COG2: variants seen among roughly 807,000 people sequenced by gnomAD.
COG2 encodes conserved oligomeric Golgi complex subunit 2.
COG2 carries 52 observed loss-of-function variants against 90.6 expected under a neutral mutation model. The observed-to-expected ratio is 0.57, with a 90% confidence interval of 0.46 to 0.72. COG2 has a LOEUF of 0.72. COG2 is among the 30% of genes least tolerant of loss of function. COG2 has a pLI of 0.00. For missense variants in COG2, 829 were observed against 891.2 expected (o/e 0.93, Z 0.89); for synonymous variants, 337 against 320.4 (o/e 1.05, Z -0.55).
intron 1 of COG2, among the ~76,000 whole-genome samples, chr1:230,656,072 A>AT (rs1293796076): frequency 4.0e-5 from 6 of 151,616 alleles, no homozygotes; most frequent in East Asian, 1.9e-4. Context: ...TGGTTCATTG[A>AT]TTTTTTTGAA....
At chr1:230,659,725 G>A (rs1662141898) in intron 2 of COG2, 100 bp downstream of exon 2, 1 of 1,202,020 alleles carries the variant, frequency 8.3e-7, no homozygotes, top group Non-Finnish European at 1.1e-6. Flanking sequence ...CCTTTTAGTT[G>A]ATGTCCTCAC....
At position 230,693,513 on chromosome 1, in the gene COG2, G is replaced by A. The variant is rs1309161202; in HGVS notation, c.*120G>A. On this transcript the variant is annotated 3_prime_UTR_variant, in exon 18 of 18. Transcript: ENST00000366669. Reference sequence around the variant, plus strand: ...CGTCTGTAGCAAAGAAGTGCTTCCAGCATCACTCCAGCAACACGCCCATGC... The same window carrying A: ...CGTCTGTAGCAAAGAAGTGCTTCCAACATCACTCCAGCAACACGCCCATGC... 1.6e-6 allele frequency: 1 copy of A among 621,850 alleles called. No individual in the cohort carries two copies. Among genetic ancestry groups the A allele is most frequent in the Non-Finnish European group, 2.8e-6 (1 of 351,260 alleles). 38.5% of individuals were successfully genotyped at this position (621,850 alleles called of 1,614,324 possible). A position where few individuals can be genotyped will look rare whatever the true frequency, so the allele number is the denominator to read the frequency against.
intron 5 of COG2, among the ~76,000 whole-genome samples, chr1:230,666,103 T>C (rs1311474502): frequency 6.6e-6 from 1 of 152,212 alleles, no homozygotes; most frequent in Non-Finnish European, 1.5e-5. Context: ...CTCATCAGTC[T>C]GCTGACTGCG....
chr1:230,668,919 G>T (rs1354544520), intron 6 of COG2, 135 bp downstream of exon 6: 2 of 562,218 alleles, frequency 3.6e-6, no homozygotes, highest in African/African-American at 1.9e-5. Flanking sequence ...TAATTTTTTG[G>T]GCGCCAGCTT....
intron 15 of COG2, among the ~76,000 whole-genome samples, chr1:230,689,601 G>T (rs903368776): frequency 6.6e-6 from 1 of 152,232 alleles, no homozygotes; most frequent in Admixed American, 6.5e-5. Context: ...ATCACCTTGT[G>T]GGTGGGAGCT....
At chr1:230,691,037 G>A (rs901131873) in intron 16 of COG2, among the ~76,000 whole-genome samples, 1 of 152,018 alleles carries the variant, frequency 6.6e-6, no homozygotes, top group East Asian at 1.9e-4. Flanking sequence ...GTCCACCCTC[G>A]ATACATGAAA....
In COG2 at chr1:230,690,138, G is replaced by T; in HGVS notation, c.1919G>T (p.Ser640Ile). The T allele has an allele frequency of 6.2e-7, 1 of 1,613,294 alleles. No homozygotes were observed. Among genetic ancestry groups the T allele is most frequent in the Non-Finnish European group, 8.5e-7 (1 of 1,179,682 alleles). The change falls in exon 16 of 18, where the codon AGT becomes ATT. Residue 640 changes from serine (S) to isoleucine (I), a missense_variant. Transcript: ENST00000366669. ...CAGCAGTGGCTAGAAGGCACTCTCA[G>T]TGAAAGCACTCATAAGTAAGTAAAT... is the stretch of plus-strand genomic sequence containing the variant. ...IIQQWLEGTL[S>I]ESTHKYYETV... is the part of the protein sequence containing the mutation.
At chr1:230,648,223 C>T (rs1156904503) in intron 1 of COG2, among the ~76,000 whole-genome samples, 1 of 152,212 alleles carries the variant, frequency 6.6e-6, no homozygotes, top group Non-Finnish European at 1.5e-5. Context: ...AATTGTAACC[C>T]ATCTAGTGAT....
chr1:230,662,713 G>A (rs1006069458), intron 3 of COG2, among the ~76,000 whole-genome samples: 12 of 152,152 alleles, frequency 7.9e-5, no homozygotes, highest in African/African-American at 9.7e-5. Context: ...ACCCCCGGAT[G>A]TATTCCTCAC....
At chr1:230,684,959 C>T (rs1049471847) in intron 11 of COG2, 126 bp from the exon 12 acceptor site, 16 of 1,122,620 alleles carry the variant, frequency 1.4e-5, no homozygotes, top group Non-Finnish European at 1.9e-5. Context: ...CTTTGCTGAC[C>T]ACATGGTTTT....
intron 6 of COG2, 160 bp from the exon 7 acceptor site, chr1:230,669,196 T>G: frequency 1.8e-6 from 1 of 570,760 alleles, no homozygotes; most frequent in Non-Finnish European, 3.0e-6. Context: ...ATAAAGTGAT[T>G]GGAGTGAGGG....
In COG2 at chr1:230,666,009, G is replaced by C. The variant is rs573266398; in HGVS notation, c.485+1422G>C. Among the ~76,000 whole-genome samples, 5 of 152,148 alleles carry C rather than the reference G, an allele frequency of 3.3e-5. No individual in the cohort carries two copies. The South Asian group carries it at 8.3e-4, about 25-fold the overall frequency. ...CTGTGCTCTTGATCAGCACTTTCTG[G>C]GTAACCTCATCCAACCCCATGGTTT... On this transcript the variant is annotated intron_variant, in intron 5 of 17. Transcript: ENST00000366669.
rs575390679 is a variant in COG2 at position 230,693,352 on chromosome 1, G to A, written c.2176G>A (p.Val726Ile). 1.1e-5 allele frequency: 17 copies of A among 1,613,534 alleles called. No individual in the cohort carries two copies. The highest frequency in any genetic ancestry group is 3.3e-5 in the Admixed American group (2 of 59,964). ...IKSFSALAEL[V>I]AAAKDQATAE... is the part of the protein sequence containing the mutation. ...AAGCTTCTCAGCTCTCGCAGAGCTT[G>A]TTGCTGCTGCCAAGGACCAGGCAAC... Residue 726 changes from valine to isoleucine, a missense_variant, in exon 18 of 18, where the codon GTT (valine) becomes ATT (isoleucine). Transcript: ENST00000366669.
intron 5 of COG2, 62 bp from the exon 6 acceptor site, chr1:230,668,614 A>G (rs1662373252): frequency 1.0e-6 from 1 of 989,890 alleles, no homozygotes; most frequent in African/African-American, 1.6e-5. Flanking sequence ...CAGGCGTGTG[A>G]TGTATTCTCG....
In COG2 at chr1:230,651,818, G is replaced by GA. The variant is rs551602654; in HGVS notation, c.73-7638dup. On this transcript the variant is annotated intron_variant, in intron 1 of 17. Coordinates refer to ENST00000366669, the MANE Select transcript of COG2 (RefSeq NM_007357.3). Reference sequence around the variant, plus strand: ...AAAAAGTGGGTGCTATTCCATTCAGGAAAAAAAAGTTTATCTACCTTAGTA... The same window carrying GA: ...AAAAAGTGGGTGCTATTCCATTCAGGAAAAAAAAAGTTTATCTACCTTAGTA... Among the ~76,000 whole-genome samples, 28 of 151,802 alleles carry GA rather than the reference G, an allele frequency of 1.8e-4. No individual in the cohort carries two copies. The East Asian group carries it at 4.8e-3, about 26-fold the overall frequency.
intron 9 of COG2, among the ~76,000 whole-genome samples, chr1:230,676,292 C>T (rs4847002): frequency 0.72 from 109,575 of 151,926 alleles, 40,161 homozygotes; most frequent in East Asian, 0.96. Context: ...TCACCTTCTT[C>T]GTATTTTAGA....
intron 1 of COG2, among the ~76,000 whole-genome samples, chr1:230,644,929 A>T (rs902621310): frequency 3.9e-5 from 6 of 152,286 alleles, no homozygotes; most frequent in Admixed American, 3.9e-4. Flanking sequence ...TTTGTGGAAA[A>T]TATTACGTAA....
At chr1:230,675,192 C>T (rs560782564) in intron 9 of COG2, 68 bp downstream of exon 9, 93 of 1,527,590 alleles carry the variant, frequency 6.1e-5, no homozygotes, top group Middle Eastern at 1.7e-4. Flanking sequence ...ATCATGTTCT[C>T]TTCTACTTAG....
chr1:230,672,611 G>C (rs905634368), intron 8 of COG2, among the ~76,000 whole-genome samples: 1 of 151,612 alleles, frequency 6.6e-6, no homozygotes, highest in Non-Finnish European at 1.5e-5. Flanking sequence ...CAGGTGAATC[G>C]CTTGAGGCCA....
Sources: gnomAD v4.1 joint callset for allele counts (sites outside exome capture counted in the v4.1 genomes callset) on GRCh38, gnomAD v4.1.1 for gene constraint, MANE v1.5 for transcripts, NCBI Gene and HGNC (gene_info 2026-07-23, HGNC 2026-07-21) for gene names.